Variants in CASK observed in about 807,000 individuals in gnomAD.
The protein encoded by CASK is peripheral plasma membrane protein CASK.
Under a neutral mutation model 82.9 loss-of-function variants are expected in CASK, and 4 were observed. The ratio of observed to expected loss-of-function variants is 0.05; its 90% CI spans 0.02 to 0.11. CASK has a LOEUF of 0.11. Ranked by LOEUF, CASK falls within the 10% of genes least tolerant of loss-of-function variation. The probability of loss-of-function intolerance (pLI) is 1.00; values close to 1 mark genes in which losing one functional copy is unlikely to be tolerated. For missense variants in CASK, 358 were observed against 720.9 expected, an observed-to-expected ratio of 0.50 and a Z score of 5.76; for synonymous variants, 259 against 253.5, an observed-to-expected ratio of 1.02 and a Z score of -0.20.
chrX:41,833,083 T>C (rs952380024), intron 2 of CASK, among the ~76,000 whole-genome samples: 5 of 112,503 alleles, frequency 4.4e-5, no homozygotes, highest in Admixed American at 2.8e-4. Flanking sequence ...TTCAAACTTG[T>C]TGTCACTTTG....
intron 1 of CASK, among the ~76,000 whole-genome samples, chrX:41,854,221 C>T (rs891798236): frequency 1.5e-4 from 11 of 74,497 alleles, no homozygotes; most frequent in African/African-American, 5.2e-4. Context: ...CGCGCGGGCG[C>T]GCGCACACAC....
intron 8 of CASK, among the ~76,000 whole-genome samples, chrX:41,653,292 G>C (rs1280588865): frequency 8.9e-6 from 1 of 111,800 alleles, no homozygotes; most frequent in African/African-American, 3.3e-5. Context: ...TTTGATTCCT[G>C]GTTCATTATC....
chrX:41,654,180 G>A (rs2066901783), intron 8 of CASK, among the ~76,000 whole-genome samples: 2 of 112,113 alleles, frequency 1.8e-5, no homozygotes, highest in Non-Finnish European at 3.8e-5. Flanking sequence ...AAACATGAGC[G>A]TAATTAACAA....
intron 2 of CASK, among the ~76,000 whole-genome samples, chrX:41,799,485 C>T (rs1448903106): frequency 1.8e-5 from 2 of 110,348 alleles, no homozygotes; most frequent in Non-Finnish European, 3.8e-5. Flanking sequence ...GAGCCGGTTG[C>T]AGTGAGCTGA....
chrX:41,775,225 G>T (rs1161509784), intron 3 of CASK, among the ~76,000 whole-genome samples: 2 of 110,032 alleles, frequency 1.8e-5, no homozygotes, highest in Non-Finnish European at 3.8e-5. Context: ...GTGGGCAAAG[G>T]ACATGAACAG....
At chrX:41,810,575 C>T (rs972869156) in intron 2 of CASK, among the ~76,000 whole-genome samples, 2 of 111,252 alleles carry the variant, frequency 1.8e-5, no homozygotes, top group Non-Finnish European at 3.8e-5. Flanking sequence ...ACAAGAGCTC[C>T]TGAAGGAAGC....
chrX:41,589,066 T>A (rs746431159), intron 13 of CASK, among the ~76,000 whole-genome samples: 2 of 112,266 alleles, frequency 1.8e-5, no homozygotes, highest in South Asian at 7.3e-4. Flanking sequence ...AATAGGTTTT[T>A]AAAAGTTTGT....
intron 21 of CASK, among the ~76,000 whole-genome samples, chrX:41,545,637 G>A (rs868036790): frequency 1.7e-4 from 19 of 111,510 alleles, no homozygotes; most frequent in African/African-American, 5.2e-4. Flanking sequence ...GGCTATTCCC[G>A]ACCTTGTGCA....
intron 1 of CASK, among the ~76,000 whole-genome samples, chrX:41,917,780 A>G (rs1423904856): frequency 1.8e-5 from 2 of 112,135 alleles, no homozygotes; most frequent in East Asian, 2.8e-4. Flanking sequence ...AAGGTTGTAT[A>G]CATGCAGAAA....
intron 5 of CASK, among the ~76,000 whole-genome samples, chrX:41,705,143 T>C (rs1001477830): frequency 8.9e-6 from 1 of 112,385 alleles, no homozygotes; most frequent in Non-Finnish European, 1.9e-5. Context: ...TCACTAATAA[T>C]AGCAATGTCC....
chrX:41,815,743 G>A (rs544748211), intron 2 of CASK, among the ~76,000 whole-genome samples: 1 of 111,811 alleles, frequency 8.9e-6, no homozygotes, highest in South Asian at 3.7e-4. Flanking sequence ...ATTTTCAAAT[G>A]TTATGTAAAC....
intron 21 of CASK, among the ~76,000 whole-genome samples, 173 bp downstream of exon 21, chrX:41,553,546 C>G (rs903350809): frequency 8.1e-5 from 9 of 111,046 alleles, no homozygotes; most frequent in Non-Finnish European, 3.8e-5. Context: ...TAGGATCTCA[C>G]TAGATACTGA....
rs1181228443 is a variant in CASK at position 41,519,841 on chromosome X, G to A, written c.*579C>T. On this transcript the variant is annotated 3_prime_UTR_variant, in exon 27 of 27. Coordinates refer to ENST00000378163, the MANE Select transcript of CASK (RefSeq NM_001367721.1). ...TCAAAGAGACAGTATCACATTATCT[G>A]GATGTTACATAAAGGACTTAAAAAA... 1 of 104,430 alleles carries A rather than the reference G, an allele frequency of 9.6e-6. No homozygotes were observed. Among genetic ancestry groups the A allele is most frequent in the Non-Finnish European group, 1.9e-5 (1 of 51,396 alleles). 8.6% of individuals were successfully genotyped at this position (104,430 alleles called of 1,213,427 possible).
chrX:41,668,735 C>T (rs1321766462), intron 6 of CASK, among the ~76,000 whole-genome samples: 3 of 110,615 alleles, frequency 2.7e-5, no homozygotes, highest in East Asian at 2.8e-4. Flanking sequence ...AAATGATTGA[C>T]GGAATTTCTT....
At chrX:41,844,700 C>T (rs1370513848) in intron 2 of CASK, among the ~76,000 whole-genome samples, 1 of 111,277 alleles carries the variant, frequency 9.0e-6, no homozygotes, top group Non-Finnish European at 1.9e-5. Flanking sequence ...GTCTCTATGT[C>T]TCCTATAATC....
At chrX:41,668,028 T>G (rs1569382292) in intron 6 of CASK, among the ~76,000 whole-genome samples, 1 of 111,965 alleles carries the variant, frequency 8.9e-6, no homozygotes, top group Non-Finnish European at 1.9e-5. Context: ...TCTCCTAATT[T>G]GTTGCTTTTA....
intron 2 of CASK, among the ~76,000 whole-genome samples, chrX:41,810,355 A>T (rs2070244944): frequency 8.9e-6 from 1 of 112,511 alleles, no homozygotes; most frequent in Non-Finnish European, 1.9e-5. Flanking sequence ...TTACCCACAA[A>T]GGGAAGCCCA....
intron 2 of CASK, among the ~76,000 whole-genome samples, chrX:41,829,740 T>C (rs866967568): frequency 9.0e-4 from 32 of 35,491 alleles, no homozygotes; most frequent in Non-Finnish European, 1.5e-3. Context: ...TATATATATA[T>C]ATATATATAT....
intron 10 of CASK, among the ~76,000 whole-genome samples, chrX:41,622,880 A>ATTT (rs970144546): frequency 2.1e-5 from 2 of 96,865 alleles, no homozygotes; most frequent in African/African-American, 7.5e-5. Context: ...TTCAACATTG[A>ATTT]TTTTTTTTTT....
Sources: allele counts gnomAD v4.1 joint callset (sites outside exome capture counted in the v4.1 genomes callset), GRCh38; gene constraint gnomAD v4.1.1; transcripts MANE v1.5; gene names NCBI Gene and HGNC (gene_info 2026-07-23, HGNC 2026-07-21).